SMIM36: variants seen among roughly 807,000 people sequenced by gnomAD.
The protein encoded by SMIM36 is small integral membrane protein 36.
chr17:55,501,194 C>A (rs796303001), intron 1 of SMIM36, among the ~76,000 whole-genome samples: 915 of 2,330 alleles, frequency 0.39, 12 homozygotes, highest in Middle Eastern at 0.5. Context: ...TATAATATAT[C>A]TTATATATTA....
intron 1 of SMIM36, among the ~76,000 whole-genome samples, chr17:55,488,897 CCATCATCATCAT>C (rs59012291): frequency 6.0e-5 from 9 of 150,742 alleles, no homozygotes; most frequent in South Asian, 2.1e-4. Flanking sequence ...TACTCATTTT[CCATCATCATCAT>C]CATCATCATC....
the SMIM36 span, among the ~76,000 whole-genome samples, chr17:55,531,049 T>A: frequency 1.3e-5 from 2 of 152,182 alleles, no homozygotes; most frequent in Non-Finnish European, 2.9e-5. Flanking sequence ...ACTTTCAGAT[T>A]CCATTTCTAT....
chr17:55,456,116 C>CAAAA (rs10546288), intron 4 of SMIM36, among the ~76,000 whole-genome samples: 5 of 39,528 alleles, frequency 1.3e-4, no homozygotes, highest in Admixed American at 3.9e-4. Flanking sequence ...AAAACTGTCT[C>CAAAA]AAAAAAAAAA....
At chr17:55,530,453 T>C in the SMIM36 span, among the ~76,000 whole-genome samples, 1 of 152,276 alleles carries the variant, frequency 6.6e-6, no homozygotes, top group South Asian at 2.1e-4. Context: ...TAAGAGATTG[T>C]AGAGCTAATT....
the SMIM36 span, among the ~76,000 whole-genome samples, chr17:55,517,733 T>C: frequency 3.9e-5 from 6 of 152,196 alleles, no homozygotes; most frequent in Admixed American, 6.5e-5. Context: ...TAGGATTAAA[T>C]TGGAGATGGT....
chr17:55,474,182 C>T (rs1909389004), intron 3 of SMIM36, among the ~76,000 whole-genome samples: 1 of 152,212 alleles, frequency 6.6e-6, no homozygotes, highest in African/African-American at 2.4e-5. Context: ...TAAAGCCCTT[C>T]CTTCTTTAAC....
chr17:55,472,159 A>G (rs1018875978), intron 3 of SMIM36, among the ~76,000 whole-genome samples: 2 of 152,060 alleles, frequency 1.3e-5, no homozygotes, highest in Admixed American at 6.6e-5. Flanking sequence ...TCATATTTCT[A>G]TTCTTCCAAT....
intron 3 of SMIM36, among the ~76,000 whole-genome samples, chr17:55,471,888 T>G (rs1909346033): frequency 6.6e-6 from 1 of 152,200 alleles, no homozygotes; most frequent in African/African-American, 2.4e-5. Context: ...CTTTAATACT[T>G]CTAGAGGCCT....
At chr17:55,517,787 T>C in the SMIM36 span, among the ~76,000 whole-genome samples, 1 of 152,148 alleles carries the variant, frequency 6.6e-6, no homozygotes, top group South Asian at 2.1e-4. Flanking sequence ...AGTGGAAAAG[T>C]CAGTGTTGCA....
At chr17:55,500,264 A>G (rs1909884800) in intron 1 of SMIM36, among the ~76,000 whole-genome samples, 1 of 152,110 alleles carries the variant, frequency 6.6e-6, no homozygotes, top group East Asian at 1.9e-4. Flanking sequence ...AGCTGGGACT[A>G]CAGGTGCCAG....
chr17:55,504,179 C>T (rs1344826811), intron 1 of SMIM36, among the ~76,000 whole-genome samples: 1 of 106,790 alleles, frequency 9.4e-6, no homozygotes, highest in Non-Finnish European at 1.8e-5. Context: ...GACAGAAAGT[C>T]AACAAGGATA....
chr17:55,486,502 C>T (rs747084429), intron 1 of SMIM36, among the ~76,000 whole-genome samples: 1 of 152,170 alleles, frequency 6.6e-6, no homozygotes, highest in South Asian at 2.1e-4. Flanking sequence ...TTCCTCTGAT[C>T]AGAACTGGCT....
At chr17:55,501,338 A>ATTATATTTTATAATATATAATATG (rs1909959517) in intron 1 of SMIM36, among the ~76,000 whole-genome samples, 4 of 18,282 alleles carry the variant, frequency 2.2e-4, no homozygotes, top group South Asian at 1.4e-3. Context: ...TATATAATAT[A>ATTATATTTTATAATATATAATATG]TTATATATTA....
At chr17:55,523,807 G>A in the SMIM36 span, among the ~76,000 whole-genome samples, 62,620 of 152,058 alleles carry the variant, frequency 0.41, 13,905 homozygotes, top group East Asian at 0.59. Context: ...ATATGAAGCC[G>A]AATGGAAAAC....
intron 1 of SMIM36, among the ~76,000 whole-genome samples, chr17:55,492,205 A>G (rs1909718295): frequency 6.7e-6 from 1 of 149,310 alleles, no homozygotes; most frequent in South Asian, 2.1e-4. Flanking sequence ...ACTCCTCTTG[A>G]TATTGATATT....
chr17:55,455,256 T>C (rs895310887), intron 4 of SMIM36, among the ~76,000 whole-genome samples: 33 of 152,322 alleles, frequency 2.2e-4, no homozygotes, highest in Middle Eastern at 3.4e-3. Context: ...ACCCGTGTTG[T>C]GTATAGAGTG....
chr17:55,469,104 C>T lies in SMIM36; in HGVS notation c.*348-1776G>A, dbSNP rs188288728. ...TCTGAGTCCTTTGAATCCTCCTTTTCTACAGACAAATCTGACCTCTCCCCT... is the reference window on the plus strand; with the variant it reads ...TCTGAGTCCTTTGAATCCTCCTTTTTTACAGACAAATCTGACCTCTCCCCT... On this transcript the variant is annotated intron_variant, in intron 3 of 4. Transcript: ENST00000636752. Among the ~76,000 whole-genome samples, 815 of 149,876 alleles carry T rather than the reference C, an allele frequency of 5.4e-3. 7 individuals carry two copies. Among genetic ancestry groups the T allele is most frequent in the Middle Eastern group, 0.034 (10 of 294 alleles).
At chr17:55,508,892 C>T (rs1043874699) in intron 1 of SMIM36, among the ~76,000 whole-genome samples, 2 of 130,066 alleles carry the variant, frequency 1.5e-5, no homozygotes, top group African/African-American at 6.0e-5. Flanking sequence ...CATTGCACTT[C>T]AGCCTGGGTG....
the SMIM36 span, among the ~76,000 whole-genome samples, chr17:55,521,320 C>G: frequency 2.0e-5 from 3 of 152,164 alleles, no homozygotes; most frequent in Non-Finnish European, 4.4e-5. Context: ...GACAAGAACC[C>G]TTACAAAAAA....
Sources: gnomAD v4.1 joint callset for allele counts (sites outside exome capture counted in the v4.1 genomes callset) on GRCh38, gnomAD v4.1.1 for gene constraint, MANE v1.5 for transcripts, NCBI Gene and HGNC (gene_info 2026-07-23, HGNC 2026-07-21) for gene names.